Variants in ACYP2 observed in about 807,000 individuals in gnomAD.
ACYP2 encodes acylphosphatase 2.
Under a neutral mutation model 11.2 loss-of-function variants are expected in ACYP2, and 12 were observed. The ratio of observed to expected loss-of-function variants is 1.08; its 90% confidence interval spans 0.69 to 1.74. The LOEUF is 1.74. Among genes scored for constraint, ACYP2 ranks in the 40% most tolerant of loss-of-function variants. The probability of loss-of-function intolerance (pLI) is 0.00; values close to 1 mark genes in which losing one functional copy is unlikely to be tolerated. For missense variants in ACYP2, 134 were observed against 101.9 expected (o/e 1.31, Z -1.35); for synonymous variants, 43 against 32.2 (o/e 1.33, Z -1.13).
At chr2:54,149,059 T>C (rs1013447260) in intron 6 of ACYP2, among the ~76,000 whole-genome samples, 9 of 152,204 alleles carry the variant, frequency 5.9e-5, no homozygotes, top group African/African-American at 1.9e-4. Flanking sequence ...GTGACCAGCC[T>C]GGGCAACATG....
chr2:54,303,780 A>G (rs1468225750), intron 6 of ACYP2, among the ~76,000 whole-genome samples: 3 of 152,246 alleles, frequency 2.0e-5, no homozygotes, highest in Non-Finnish European at 4.4e-5. Context: ...ATTTGGGGAT[A>G]TGAGGAAACT....
At chr2:54,261,071 C>T (rs1009157750) in intron 6 of ACYP2, among the ~76,000 whole-genome samples, 1 of 152,124 alleles carries the variant, frequency 6.6e-6, no homozygotes, top group Non-Finnish European at 1.5e-5. Flanking sequence ...TTCTTAATGT[C>T]ACAGACCCTG....
intron 4 of ACYP2, among the ~76,000 whole-genome samples, chr2:54,058,277 T>C (rs1676264744): frequency 1.4e-5 from 2 of 146,820 alleles, no homozygotes; most frequent in South Asian, 4.3e-4. Flanking sequence ...CAAAGCTATA[T>C]ACAATATTAA....
rs554586224 is a variant in ACYP2 at position 54,085,610 on chromosome 2, G to A, written c.277+28250G>A. Among the ~76,000 whole-genome samples the A allele has an allele frequency of 2.6e-5, 4 of 152,258 alleles. No homozygotes were observed. In the South Asian group the frequency reaches 6.2e-4, roughly 24 times the overall value. ...AACTCTAGTTTATATCAATTAGCCTGTGGTAAAATTGGCTTTGTTATAAGT... is the reference window on the plus strand; with the variant it reads ...AACTCTAGTTTATATCAATTAGCCTATGGTAAAATTGGCTTTGTTATAAGT... On this transcript the variant is annotated intron_variant, in intron 4 of 6. Coordinates refer to ENST00000607452, the MANE Select transcript of ACYP2 (RefSeq NM_001320586.2).
intron 4 of ACYP2, among the ~76,000 whole-genome samples, chr2:54,113,097 A>T (rs777617681): frequency 9.2e-5 from 14 of 152,162 alleles, no homozygotes; most frequent in Non-Finnish European, 1.8e-4. Context: ...CCTAATAGAA[A>T]CATACATACA....
At chr2:54,200,821 G>A (rs1294477476) in intron 6 of ACYP2, among the ~76,000 whole-genome samples, 1 of 152,130 alleles carries the variant, frequency 6.6e-6, no homozygotes, top group Non-Finnish European at 1.5e-5. Context: ...ACTTTTTGAG[G>A]AACTGCCAGG....
At chr2:54,017,273 T>TTTTC (rs754610902) in intron 2 of ACYP2, among the ~76,000 whole-genome samples, 1,467 of 47,668 alleles carry the variant, frequency 0.031, 130 homozygotes, top group African/African-American at 0.2. Context: ...TTTTCTTTTC[T>TTTTC]TTTTTTTTTT....
intron 6 of ACYP2, among the ~76,000 whole-genome samples, chr2:54,261,045 C>A (rs1462858963): frequency 6.6e-6 from 1 of 152,104 alleles, no homozygotes; most frequent in Non-Finnish European, 1.5e-5. Flanking sequence ...AGGCAGACAC[C>A]TTTAGAATTT....
chr2:53,988,100 C>T (rs912733389), intron 2 of ACYP2, among the ~76,000 whole-genome samples: 7 of 152,016 alleles, frequency 4.6e-5, no homozygotes, highest in African/African-American at 7.2e-5. Context: ...CATGGTGTTG[C>T]GCACCTGTAA....
intron 6 of ACYP2, among the ~76,000 whole-genome samples, chr2:54,171,661 G>T (rs191203652): frequency 1.3e-5 from 2 of 152,084 alleles, no homozygotes; most frequent in Admixed American, 6.6e-5. Context: ...TCCTGTAAGA[G>T]CTTTTTTCAC....
In ACYP2 at chr2:54,019,447, G is replaced by A. The variant is rs546302222; in HGVS notation, c.63-31511G>A. ...GCTGGAATGCAGTGGTGCAATCATG[G>A]TTCATTGCAACCTCGACCTCCTGGG... On this transcript the variant is annotated intron_variant, in intron 2 of 6. Coordinates refer to ENST00000607452, the MANE Select transcript of ACYP2 (RefSeq NM_001320586.2). 2.3e-3 allele frequency among the ~76,000 whole-genome samples: 346 copies of A among 151,668 alleles called. 1 individual carries two copies. Among genetic ancestry groups the A allele is most frequent in the African/African-American group, 8.2e-3 (339 of 41,322 alleles).
chr2:54,143,024 C>A (rs1033580390), intron 6 of ACYP2: 1 of 152,014 alleles, frequency 6.6e-6, no homozygotes, highest in Non-Finnish European at 1.5e-5. Flanking sequence ...CATAGTATTA[C>A]CTTATCAGAT....
chr2:54,024,063 A>G (rs542072194), intron 2 of ACYP2, among the ~76,000 whole-genome samples: 70 of 152,334 alleles, frequency 4.6e-4, no homozygotes, highest in African/African-American at 1.6e-3. Context: ...AGCTAACTGA[A>G]TCTAACAGCA....
intron 4 of ACYP2, among the ~76,000 whole-genome samples, chr2:54,073,112 A>G (rs1468998432): frequency 6.6e-6 from 1 of 152,238 alleles, no homozygotes; most frequent in East Asian, 1.9e-4. Flanking sequence ...TTTTTTGACA[A>G]CGGCGCTAAG....
intron 2 of ACYP2, among the ~76,000 whole-genome samples, chr2:54,009,057 G>A (rs1673220875): frequency 1.3e-5 from 2 of 151,946 alleles, no homozygotes; most frequent in Admixed American, 1.3e-4. Flanking sequence ...GGAGGCTGAG[G>A]CAGGAGAATT....
intron 6 of ACYP2, among the ~76,000 whole-genome samples, chr2:54,151,971 A>G (rs1433914085): frequency 1.3e-5 from 2 of 152,102 alleles, no homozygotes; most frequent in Admixed American, 6.5e-5. Context: ...GAGTTTCCAT[A>G]TATTTCCTCA....
At chr2:54,241,782 G>A (rs1572980281) in intron 6 of ACYP2, among the ~76,000 whole-genome samples, 1 of 152,228 alleles carries the variant, frequency 6.6e-6, no homozygotes, top group South Asian at 2.1e-4. Flanking sequence ...GGAGGCCAAG[G>A]CAGGTGGATC....
chr2:54,271,264 T>C (rs574855379), intron 6 of ACYP2, among the ~76,000 whole-genome samples: 2 of 152,362 alleles, frequency 1.3e-5, no homozygotes, highest in African/African-American at 4.8e-5. Context: ...GCCTCAATTC[T>C]GCTCAAATGT....
intron 6 of ACYP2, chr2:54,254,124 C>G (rs532575055): frequency 1.3e-5 from 2 of 152,314 alleles, no homozygotes; most frequent in East Asian, 3.9e-4. Flanking sequence ...ACATATTAAC[C>G]TTGCCATGAG....
Sources: allele counts gnomAD v4.1 joint callset (sites outside exome capture counted in the v4.1 genomes callset), GRCh38; gene constraint gnomAD v4.1.1; transcripts MANE v1.5; gene names NCBI Gene and HGNC (gene_info 2026-07-23, HGNC 2026-07-21).